NBPF20: variants seen among roughly 807,000 people sequenced by gnomAD.
NBPF20 encodes the protein NBPF member 20.
NBPF20 carries 90 observed loss-of-function variants against 68.1 expected under a neutral mutation model. The ratio of observed to expected loss-of-function variants is 1.32; its 90% confidence interval spans 1.11 to 1.58. The LOEUF is 1.58. Among genes scored for constraint, NBPF20 ranks in the 40% most tolerant of loss-of-function variants. NBPF20 has a pLI of 0.00. For missense variants in NBPF20, 816 were observed against 601.2 expected, an observed-to-expected ratio of 1.36 and a Z score of -3.74; for synonymous variants, 290 against 228.1, an observed-to-expected ratio of 1.27 and a Z score of -2.45.
chr1:145,417,446 G>GA, the NBPF20 span, among the ~76,000 whole-genome samples: 5 of 134,420 alleles, frequency 3.7e-5, no homozygotes, highest in Admixed American at 7.4e-5. Flanking sequence ...ATCTACTAAT[G>GA]AAAAAAAAAT....
chr1:145,404,149 G>A (rs1414668797), intron 2 of NBPF20, among the ~76,000 whole-genome samples: 8 of 147,134 alleles, frequency 5.4e-5, no homozygotes, highest in African/African-American at 7.6e-5. Flanking sequence ...ACACATTCTC[G>A]GGTGTGATCT....
chr1:145,404,766 A>T (rs1553666560), intron 2 of NBPF20, among the ~76,000 whole-genome samples: 1 of 151,966 alleles, frequency 6.6e-6, no homozygotes, highest in Non-Finnish European at 1.5e-5. Context: ...AACAGACTAC[A>T]TGTTATTTGT....
rs1312140169 is a variant in NBPF20, at chr1:145,400,558, C to T, written c.603G>A (p.Glu201=). The T allele has an allele frequency of 1.2e-3, 1,868 of 1,612,486 alleles. 8 individuals are homozygous for T. Among genetic ancestry groups the T allele is most frequent in the Middle Eastern group, 3.5e-3 (17 of 4,900 alleles). The change falls in exon 6 of 138, where the codon GAG becomes GAA. Residue 201 remains glutamate (E), a synonymous_variant. Transcript: ENST00000369373. Reference sequence around the variant, plus strand: ...TGATGGCACATTCCTCCTGTGAGTCCTCAGGGACTTCCTTTTCTTCAGCCT... The same window carrying T: ...TGATGGCACATTCCTCCTGTGAGTCTTCAGGGACTTCCTTTTCTTCAGCCT...
intron 112 of NBPF20, among the ~76,000 whole-genome samples, 181 bp downstream of exon 117, chr1:145,312,027 C>A (rs1476106606): frequency 2.4e-5 from 1 of 41,114 alleles, no homozygotes; most frequent in Non-Finnish European, 3.8e-5. Context: ...GCCTTGCTCA[C>A]TGACCCATCC....
chr1:145,425,539 T>G, the NBPF20 span, among the ~76,000 whole-genome samples: 37 of 152,224 alleles, frequency 2.4e-4, 1 homozygote, highest in Admixed American at 2.2e-3. Flanking sequence ...ATCGCCGCTG[T>G]CTCAACCGCC....
At chr1:145,291,913 C>T (rs1475431385) in intron 137 of NBPF20, 144 bp from the exon 143 acceptor site, 17 of 1,536,694 alleles carry the variant, frequency 1.1e-5, no homozygotes, top group South Asian at 2.5e-5. Flanking sequence ...AATTTATTGC[C>T]TATATGTTGG....
At chr1:145,393,598 G>T (rs1484441831) in intron 9 of NBPF20, 6 of 660,286 alleles carry the variant, frequency 9.1e-6, no homozygotes, top group South Asian at 1.9e-5. Flanking sequence ...TGAAAAGCAT[G>T]TCCTCAATAA....
the NBPF20 span, among the ~76,000 whole-genome samples, chr1:145,425,327 C>T: frequency 2.4e-3 from 365 of 151,916 alleles, 2 homozygotes; most frequent in Non-Finnish European, 4.4e-3. Flanking sequence ...ACTCACCGCC[C>T]GCCCGGCCTG....
chr1:145,398,788 C>T (rs1490737644), intron 7 of NBPF20, among the ~76,000 whole-genome samples: 1 of 151,562 alleles, frequency 6.6e-6, no homozygotes, highest in African/African-American at 2.4e-5. Flanking sequence ...GAATCCAGGG[C>T]TGGTTTTTTG....
At chr1:145,406,085 ATTTTT>A (rs587699811), upstream of NBPF20, among the ~76,000 whole-genome samples, 2 of 117,654 alleles carry the variant, frequency 1.7e-5, no homozygotes, top group African/African-American at 3.4e-5. Context: ...CGCCCGGCTA[ATTTTT>A]TTTTTTTTTT....
intron 109 of NBPF20, among the ~76,000 whole-genome samples, 197 bp from the exon 115 acceptor site, chr1:145,314,201 G>GACACACACAC (rs1165363505): frequency 7.9e-6 from 1 of 126,908 alleles, no homozygotes; most frequent in Admixed American, 7.6e-5. Context: ...AAGACAGATA[G>GACACACACAC]ACACACACAC....
chr1:145,394,980 C>T, exon 8 of NBPF20: 3 of 1,611,968 alleles, frequency 1.9e-6, no homozygotes, highest in South Asian at 2.2e-5. Context: ...GTACTCACTG[C>T]CTATGTCAAC....
At chr1:145,421,965 G>A in the NBPF20 span, among the ~76,000 whole-genome samples, 3 of 152,074 alleles carry the variant, frequency 2.0e-5, no homozygotes, top group East Asian at 5.8e-4. Flanking sequence ...TTGAGCCTGA[G>A]AGGTCAAGGC....
intron 9 of NBPF20, 101 bp from the exon 15 acceptor site, chr1:145,393,347 A>T (rs1339144741): frequency 5.7e-6 from 4 of 701,902 alleles, no homozygotes; most frequent in African/African-American, 5.3e-5. Context: ...TTTGAAAAGA[A>T]AAAGGACAGA....
intron 137 of NBPF20, 66 bp downstream of exon 142, chr1:145,292,315 T>A (rs1661172816): frequency 4.8e-6 from 3 of 629,082 alleles, no homozygotes; most frequent in Admixed American, 2.6e-5. Context: ...CACACTCTGG[T>A]TTCCCTGAAT....
chr1:145,291,888 A>C (rs879969859), intron 137 of NBPF20, 119 bp from the exon 143 acceptor site: 27 of 1,581,712 alleles, frequency 1.7e-5, no homozygotes, highest in Admixed American at 1.5e-4. Context: ...AGATCCATTA[A>C]TGAGGTAAAA....
chr1:145,290,338 C>G (rs1660985611), exon 138 of NBPF20: 2 of 149,400 alleles, frequency 1.3e-5, no homozygotes, highest in African/African-American at 2.6e-5. Context: ...AACCAAGTAA[C>G]CAGTCCTGAT....
At chr1:145,393,827 A>T in intron 9 of NBPF20, 57 bp downstream of exon 14, 10 of 1,261,544 alleles carry the variant, frequency 7.9e-6, no homozygotes, top group Admixed American at 1.7e-5. Context: ...TTTTCCCTGG[A>T]CTTGGCATCT....
rs868990015 is a variant in NBPF20, at chr1:145,404,416, G to A, written c.175+682C>T. Among the ~76,000 whole-genome samples the A allele has an allele frequency of 8.6e-5, 13 of 151,892 alleles. No homozygotes were observed. The East Asian group carries it at 9.7e-4, about 11-fold the overall frequency. ...GGTGATTACAGTTGCCCACCACGACGCCCATCTACTTTTTGTATTTTTAGT... is the reference window on the plus strand; with the variant it reads ...GGTGATTACAGTTGCCCACCACGACACCCATCTACTTTTTGTATTTTTAGT... On this transcript the variant is annotated intron_variant, in intron 2 of 137. Coordinates refer to ENST00000369373, the Ensembl canonical transcript of NBPF20.
Sources: gnomAD v4.1 joint callset for allele counts (sites outside exome capture counted in the v4.1 genomes callset) on GRCh38, gnomAD v4.1.1 for gene constraint, MANE v1.5 for transcripts, NCBI Gene and HGNC (gene_info 2026-07-23, HGNC 2026-07-21) for gene names.